LRFN2: variants seen among roughly 807,000 people sequenced by gnomAD.
LRFN2 encodes leucine-rich repeat and fibronectin type-III domain-containing protein 2.
LRFN2 carries 18 observed loss-of-function variants against 37.3 expected under a neutral mutation model. The observed-to-expected ratio is 0.48, with a 90% CI of 0.33 to 0.72. LRFN2 has a LOEUF of 0.72. Among genes scored for constraint, LRFN2 ranks in the 30% least tolerant of loss-of-function variants. The pLI is 0.02. For missense variants in LRFN2, 1,006 were observed against 1,060.7 expected (o/e 0.95, Z 0.72); for synonymous variants, 556 against 466.6 (o/e 1.19, Z -2.47).
At chr6:40,523,056 G>T (rs1351798727) in intron 1 of LRFN2, among the ~76,000 whole-genome samples, 2 of 152,200 alleles carry the variant, frequency 1.3e-5, no homozygotes, top group East Asian at 3.9e-4. Flanking sequence ...GCACTGTGAC[G>T]CAAGGTGTCT....
chr6:40,550,193 C>T (rs1735348269), intron 1 of LRFN2, among the ~76,000 whole-genome samples: 1 of 152,108 alleles, frequency 6.6e-6, no homozygotes, highest in Admixed American at 6.6e-5. Flanking sequence ...CTAGGAGGTA[C>T]AGCCCAATAT....
chr6:40,574,854 C>T (rs1262869864), intron 1 of LRFN2, among the ~76,000 whole-genome samples: 1 of 152,186 alleles, frequency 6.6e-6, no homozygotes. Flanking sequence ...GGACTCACAA[C>T]ATCCTCAGGC....
At chr6:40,402,750 T>C (rs1375753342) in intron 2 of LRFN2, among the ~76,000 whole-genome samples, 2 of 152,208 alleles carry the variant, frequency 1.3e-5, no homozygotes, top group Admixed American at 6.5e-5. Context: ...GTACATCTAA[T>C]AATTGTGCTA....
chr6:40,581,999 G>A (rs1478042031), intron 1 of LRFN2, among the ~76,000 whole-genome samples: 3 of 152,304 alleles, frequency 2.0e-5, no homozygotes, highest in African/African-American at 7.2e-5. Flanking sequence ...GGGGTAGCTG[G>A]GAACAGAGTA....
chr6:40,520,176 T>C (rs1766015556), intron 1 of LRFN2, among the ~76,000 whole-genome samples: 1 of 151,924 alleles, frequency 6.6e-6, no homozygotes, highest in African/African-American at 2.4e-5. Flanking sequence ...TTAGGCAGAA[T>C]CCTCTGGCAA....
At chr6:40,450,730 C>T (rs1014774859) in intron 1 of LRFN2, among the ~76,000 whole-genome samples, 1 of 152,240 alleles carries the variant, frequency 6.6e-6, no homozygotes, top group Non-Finnish European at 1.5e-5. Flanking sequence ...GTAATAGGTG[C>T]TGAGGGAAGC....
intron 1 of LRFN2, among the ~76,000 whole-genome samples, chr6:40,576,393 C>T (rs1767278152): frequency 6.6e-6 from 1 of 152,164 alleles, no homozygotes; most frequent in Non-Finnish European, 1.5e-5. Context: ...GAGGGCTGAA[C>T]TGAAAGAGCA....
intron 1 of LRFN2, among the ~76,000 whole-genome samples, chr6:40,542,607 G>A (rs1766576963): frequency 6.6e-6 from 1 of 152,138 alleles, no homozygotes; most frequent in South Asian, 2.1e-4. Context: ...CTGGGCCTCT[G>A]AGCTGGGTGG....
At chr6:40,571,315 A>G (rs1767182722) in intron 1 of LRFN2, among the ~76,000 whole-genome samples, 1 of 152,204 alleles carries the variant, frequency 6.6e-6, no homozygotes, top group Admixed American at 6.5e-5. Context: ...TTGGCAACAC[A>G]TTGAAGAATT....
intron 2 of LRFN2, among the ~76,000 whole-genome samples, chr6:40,400,251 T>A (rs912532177): frequency 6.6e-6 from 1 of 151,768 alleles, no homozygotes; most frequent in Admixed American, 6.6e-5. Context: ...CTAGAGTCAA[T>A]GCTGAGTAAA....
intron 1 of LRFN2, among the ~76,000 whole-genome samples, chr6:40,529,630 T>G (rs1033938627): frequency 1.3e-5 from 2 of 152,372 alleles, no homozygotes; most frequent in East Asian, 1.9e-4. Flanking sequence ...CACCACTCCC[T>G]GTATTCAAAT....
At chr6:40,396,460 A>G (rs1762616038) in intron 2 of LRFN2, among the ~76,000 whole-genome samples, 2 of 152,044 alleles carry the variant, frequency 1.3e-5, no homozygotes, top group African/African-American at 4.8e-5. Context: ...GAAAATCATA[A>G]TGTGATGAAG....
intron 2 of LRFN2, among the ~76,000 whole-genome samples, chr6:40,425,196 G>C (rs1763323975): frequency 6.6e-6 from 1 of 152,202 alleles, no homozygotes; most frequent in Non-Finnish European, 1.5e-5. Context: ...GGGCGCGACA[G>C]GGGCTGGGGT....
chr6:40,559,122 T>TG (rs1263063182), intron 1 of LRFN2, among the ~76,000 whole-genome samples: 1 of 144,762 alleles, frequency 6.9e-6, no homozygotes, highest in African/African-American at 2.6e-5. Flanking sequence ...CTGATGATAT[T>TG]GGGGGGAGGA....
At chr6:40,490,773 T>C (rs550189182) in intron 1 of LRFN2, among the ~76,000 whole-genome samples, 2 of 152,360 alleles carry the variant, frequency 1.3e-5, no homozygotes, top group South Asian at 2.1e-4. Flanking sequence ...GCTCAGAGAA[T>C]GGGCATTAAG....
chr6:40,458,781 G>A (rs1272094207), intron 1 of LRFN2, among the ~76,000 whole-genome samples: 1 of 152,088 alleles, frequency 6.6e-6, no homozygotes, highest in Non-Finnish European at 1.5e-5. Flanking sequence ...CCAGGAGCTG[G>A]GTAGTTGCCA....
intron 1 of LRFN2, among the ~76,000 whole-genome samples, chr6:40,495,022 T>A (rs1249665753): frequency 3.3e-5 from 5 of 152,190 alleles, no homozygotes; most frequent in African/African-American, 4.8e-5. Flanking sequence ...CCTGCATCCA[T>A]CAGCTGACTG....
chr6:40,513,358 C>T (rs987312028), intron 1 of LRFN2, among the ~76,000 whole-genome samples: 3 of 152,054 alleles, frequency 2.0e-5, no homozygotes, highest in African/African-American at 2.4e-5. Context: ...CTCAGCCTCC[C>T]AAGTAGCTGG....
chr6:40,465,616 A>T (rs1764444107), intron 1 of LRFN2, among the ~76,000 whole-genome samples: 1 of 152,146 alleles, frequency 6.6e-6, no homozygotes, highest in African/African-American at 2.4e-5. Context: ...GAGATATTTG[A>T]CCACAAAAAC....
Sources: gnomAD v4.1 joint callset for allele counts (sites outside exome capture counted in the v4.1 genomes callset) on GRCh38, gnomAD v4.1.1 for gene constraint, MANE v1.5 for transcripts, NCBI Gene and HGNC (gene_info 2026-07-23, HGNC 2026-07-21) for gene names.